Variants in CDH13 observed in about 807,000 individuals in gnomAD.
CDH13 encodes cadherin 13, also known as cadherin-13.
In CDH13, 24 loss-of-function variants were observed where a neutral mutation model predicts 63.8. The ratio of observed to expected loss-of-function variants is 0.38; its 90% confidence interval spans 0.27 to 0.53. The LOEUF is 0.53. CDH13 is among the 20% of genes least tolerant of loss of function. The pLI is 0.85. For missense variants in CDH13, 1,049 were observed against 903.1 expected (o/e 1.16, Z -2.07); for synonymous variants, 503 against 355.3 (o/e 1.42, Z -4.67).
chr16:83,189,362 A>G (rs1347413745), intron 4 of CDH13, among the ~76,000 whole-genome samples: 1 of 152,028 alleles, frequency 6.6e-6, no homozygotes, highest in Non-Finnish European at 1.5e-5. Flanking sequence ...AAAGTTGTAA[A>G]TCCTCTGTGG....
chr16:83,621,983 T>A (rs919961067), intron 8 of CDH13, among the ~76,000 whole-genome samples: 9 of 152,228 alleles, frequency 5.9e-5, no homozygotes, highest in African/African-American at 2.2e-4. Flanking sequence ...AGCAACCTTG[T>A]ATCTTTATTT....
At chr16:83,424,416 T>G (rs2071823759) in intron 6 of CDH13, among the ~76,000 whole-genome samples, 1 of 152,202 alleles carries the variant, frequency 6.6e-6, no homozygotes. Flanking sequence ...GCCTTGGAGC[T>G]TTAGTTAATT....
At chr16:82,912,031 C>G (rs571583397) in intron 2 of CDH13, among the ~76,000 whole-genome samples, 2 of 152,038 alleles carry the variant, frequency 1.3e-5, no homozygotes, top group Admixed American at 1.3e-4. Flanking sequence ...GCCCTCAGAG[C>G]CCCAGCTCCC....
chr16:83,332,460 A>G (rs74034164), intron 5 of CDH13, among the ~76,000 whole-genome samples: 1,596 of 152,260 alleles, frequency 0.01, 28 homozygotes, highest in African/African-American at 0.037. Flanking sequence ...TGACTTTAAA[A>G]CTGTAAACTT....
intron 10 of CDH13, among the ~76,000 whole-genome samples, chr16:83,743,689 CA>C (rs920178495): frequency 1.1e-4 from 16 of 150,364 alleles, no homozygotes; most frequent in Non-Finnish European, 2.2e-4. Flanking sequence ...GAACCACTAC[CA>C]ATCACTCCTG....
chr16:82,962,388 TGG>T (rs1403142760), intron 2 of CDH13, among the ~76,000 whole-genome samples: 4 of 152,240 alleles, frequency 2.6e-5, no homozygotes, highest in Non-Finnish European at 5.9e-5. Context: ...TTAGGTCTTC[TGG>T]CCTCCAGAGG....
chr16:82,680,926 C>A (rs1452387472), intron 1 of CDH13, among the ~76,000 whole-genome samples: 1 of 152,166 alleles, frequency 6.6e-6, no homozygotes, highest in Admixed American at 6.5e-5. Context: ...CAGTAGCTCC[C>A]ATGAGCCAAA....
intron 1 of CDH13, among the ~76,000 whole-genome samples, chr16:82,838,082 C>A (rs2038846749): frequency 6.6e-6 from 1 of 152,196 alleles, no homozygotes; most frequent in South Asian, 2.1e-4. Flanking sequence ...AGATCCTGGC[C>A]CCAAAGCCTT....
chr16:83,036,655 C>T (rs1183843413), intron 3 of CDH13, among the ~76,000 whole-genome samples: 1 of 152,148 alleles, frequency 6.6e-6, no homozygotes, highest in Non-Finnish European at 1.5e-5. Flanking sequence ...CCTGTGGCTG[C>T]CTGTAAATTC....
intron 4 of CDH13, among the ~76,000 whole-genome samples, chr16:83,216,427 T>TATATATATATATATAA (rs1367971790): frequency 0.044 from 1,981 of 44,974 alleles, 475 homozygotes; most frequent in Middle Eastern, 0.08. Flanking sequence ...TATATATATA[T>TATATATATATATATAA]ATATATATAT....
intron 1 of CDH13, among the ~76,000 whole-genome samples, chr16:82,693,901 C>T (rs1312154583): frequency 1.3e-5 from 2 of 152,166 alleles, no homozygotes; most frequent in African/African-American, 2.4e-5. Flanking sequence ...TTGGTTCAAA[C>T]TTCTCATCTG....
At chr16:83,321,048 A>G (rs2090212757) in intron 5 of CDH13, among the ~76,000 whole-genome samples, 1 of 152,254 alleles carries the variant, frequency 6.6e-6, no homozygotes, top group African/African-American at 2.4e-5. Flanking sequence ...CTGAAGGTTA[A>G]TGAAACATTT....
intron 5 of CDH13, among the ~76,000 whole-genome samples, chr16:83,333,686 C>G (rs1390793740): frequency 2.0e-5 from 3 of 152,076 alleles, no homozygotes; most frequent in Non-Finnish European, 4.4e-5. Flanking sequence ...GAGTGGTATT[C>G]TAAACACCAT....
At chr16:82,776,985 G>A (rs1013756264) in intron 1 of CDH13, among the ~76,000 whole-genome samples, 1 of 152,182 alleles carries the variant, frequency 6.6e-6, no homozygotes, top group African/African-American at 2.4e-5. Context: ...CAGAACATCA[G>A]GTTGGAGTGC....
chr16:83,487,637 T>A (rs1483435805), intron 7 of CDH13, among the ~76,000 whole-genome samples: 1 of 152,148 alleles, frequency 6.6e-6, no homozygotes, highest in Admixed American at 6.5e-5. Context: ...TCACTCTCCA[T>A]CCACCCTAAA....
chr16:82,634,109 C>G (rs758566748), intron 1 of CDH13, among the ~76,000 whole-genome samples: 1 of 152,238 alleles, frequency 6.6e-6, no homozygotes, highest in African/African-American at 2.4e-5. Flanking sequence ...CCTAGCTGAA[C>G]GCAGCCCGGG....
At position 83,706,787 on chromosome 16, in the gene CDH13, G is replaced by A. The variant is rs549400264; in HGVS notation, c.1538+28326G>A. Among the ~76,000 whole-genome samples the A allele has an allele frequency of 4.6e-5, 7 of 152,302 alleles. No homozygotes were observed. The South Asian group carries it at 1.4e-3, about 32-fold the overall frequency. On this transcript the variant is annotated intron_variant, in intron 10 of 13. Transcript: ENST00000567109. The stretch of plus-strand genomic sequence containing the variant: ...GGAAAAAGCTGCTTCAGCGATCTAG[G>A]TTCCTGGGATGAATGGATGATATTT...
At chr16:83,676,625 T>C (rs1167521634) in intron 9 of CDH13, among the ~76,000 whole-genome samples, 2 of 152,226 alleles carry the variant, frequency 1.3e-5, no homozygotes, top group African/African-American at 4.8e-5. Flanking sequence ...CACATCACTG[T>C]GCAGCCACTC....
At chr16:83,528,516 G>C (rs2075012372) in intron 7 of CDH13, among the ~76,000 whole-genome samples, 1 of 152,052 alleles carries the variant, frequency 6.6e-6, no homozygotes, top group Non-Finnish European at 1.5e-5. Context: ...GTCCCTAGTG[G>C]GGTCGTCTAA....
Sources: allele counts gnomAD v4.1 joint callset (sites outside exome capture counted in the v4.1 genomes callset), GRCh38; gene constraint gnomAD v4.1.1; transcripts MANE v1.5; gene names NCBI Gene and HGNC (gene_info 2026-07-23, HGNC 2026-07-21).